The following AZI2 variants were observed in gnomAD, a reference collection of about 807,000 sequenced individuals.
The protein encoded by AZI2 is 5-azacytidine induced 2.
AZI2 carries 22 observed loss-of-function variants against 45.8 expected under a neutral mutation model. The observed-to-expected ratio is 0.48, with a 90% CI of 0.34 to 0.69. The LOEUF is 0.69. AZI2 is among the 30% of genes least tolerant of loss of function. The pLI is 0.01. For synonymous variants in AZI2, 137 were observed against 156.7 expected, an observed-to-expected ratio of 0.87 and a Z score of 0.94; for missense variants, 417 against 441.5, an observed-to-expected ratio of 0.94 and a Z score of 0.50.
Position 28,323,875 on chromosome 3 carries a change from C to T in AZI2, c.*167G>A. ...GAGGGTGCTCTTTCATACTAGAAAA[C>T]CAACTATGTTGGTTTTTGTACTATT... is the stretch of plus-strand genomic sequence containing the variant. On this transcript the variant is annotated 3_prime_UTR_variant, in exon 8 of 8. Coordinates refer to ENST00000479665, the MANE Select transcript of AZI2 (RefSeq NM_022461.5). The T allele has an allele frequency of 1.5e-6, 1 of 679,120 alleles. No homozygotes were observed. The highest frequency in any genetic ancestry group is 2.3e-6 in the Non-Finnish European group (1 of 426,320). The allele number at this position is 679,120 out of a possible 1,614,324, so 42.1% of individuals were successfully genotyped here. A position where few individuals can be genotyped will look rare whatever the true frequency, so the allele number is the denominator to read the frequency against.
At chr3:28,333,288 A>T (rs916361648) in intron 5 of AZI2, among the ~76,000 whole-genome samples, 9 of 151,756 alleles carry the variant, frequency 5.9e-5, no homozygotes, top group African/African-American at 2.2e-4. Flanking sequence ...ACCTAATCTT[A>T]TAGGAGTTAA....
intron 5 of AZI2, 35 bp downstream of exon 5, chr3:28,336,702 A>T (rs762866347): frequency 3.1e-6 from 5 of 1,592,312 alleles, no homozygotes; most frequent in African/African-American, 2.7e-5. Flanking sequence ...TACACAAAAA[A>T]TACTGAAATT....
chr3:28,327,434 A>G (rs1408891209), intron 6 of AZI2, among the ~76,000 whole-genome samples: 2 of 151,052 alleles, frequency 1.3e-5, no homozygotes, highest in Admixed American at 1.3e-4. Flanking sequence ...ACATTAAAAT[A>G]AAATTTAGGT....
At chr3:28,334,527 T>C (rs1426918354) in intron 5 of AZI2, among the ~76,000 whole-genome samples, 1 of 151,948 alleles carries the variant, frequency 6.6e-6, no homozygotes, top group African/African-American at 2.4e-5. Flanking sequence ...TAAATGCCTG[T>C]GAAGGTGGGG....
chr3:28,342,727 A>C (rs1233752604), intron 1 of AZI2, among the ~76,000 whole-genome samples: 2 of 151,554 alleles, frequency 1.3e-5, no homozygotes, highest in East Asian at 3.9e-4. Context: ...ACACACACAC[A>C]CACACACACA....
intron 7 of AZI2, 150 bp from the exon 8 acceptor site, chr3:28,324,604 A>G: frequency 1.7e-6 from 1 of 600,314 alleles, no homozygotes; most frequent in Non-Finnish European, 2.5e-6. Context: ...ACTAGGAGAT[A>G]AATGACAGAT....
intron 2 of AZI2, among the ~76,000 whole-genome samples, chr3:28,339,639 A>G (rs1046322504): frequency 6.6e-6 from 1 of 152,168 alleles, no homozygotes; most frequent in Non-Finnish European, 1.5e-5. Context: ...TTTATATAGG[A>G]TAATTCATTT....
intron 6 of AZI2, among the ~76,000 whole-genome samples, chr3:28,330,830 G>A (rs1173326110): frequency 6.6e-6 from 1 of 151,348 alleles, no homozygotes; most frequent in African/African-American, 2.4e-5. Flanking sequence ...CATACATACT[G>A]TTGGTATGGC....
intron 6 of AZI2, among the ~76,000 whole-genome samples, chr3:28,329,870 ACC>A (rs1364450837): frequency 1.3e-5 from 2 of 151,262 alleles, no homozygotes; most frequent in Non-Finnish European, 3.0e-5. Context: ...AACCATACTT[ACC>A]CTTATTGTGT....
At position 28,339,135 on chromosome 3, in the gene AZI2, G is replaced by A. The variant is rs144193118; in HGVS notation, c.217-520C>T. On this transcript the variant is annotated intron_variant, in intron 2 of 7. Transcript: ENST00000479665. The stretch of plus-strand genomic sequence containing the variant: ...GCTGGGAATATAGGTGCACCACCAC[G>A]CCCTGCTAATTTTTGTATTTTTAGT... Among the ~76,000 whole-genome samples, 776 of 151,924 alleles carry A rather than the reference G, an allele frequency of 5.1e-3. 6 individuals carry two copies. The highest frequency in any genetic ancestry group is 0.017 in the African/African-American group (717 of 41,436).
chr3:28,343,017 T>C (rs1704085203), intron 1 of AZI2, among the ~76,000 whole-genome samples: 1 of 152,136 alleles, frequency 6.6e-6, no homozygotes. Context: ...ACTTCTGTTT[T>C]ACACAAACTT....
intron 5 of AZI2, among the ~76,000 whole-genome samples, chr3:28,333,446 G>T (rs558439494): frequency 1.0e-3 from 155 of 151,638 alleles, no homozygotes; most frequent in Non-Finnish European, 1.8e-3. Context: ...TTTTTCCTGT[G>T]CCTTACAGGA....
intron 5 of AZI2, among the ~76,000 whole-genome samples, chr3:28,335,455 C>G (rs1223271139): frequency 6.6e-6 from 1 of 151,846 alleles, no homozygotes; most frequent in East Asian, 1.9e-4. Context: ...TGTGTGGCCA[C>G]AAGCTCAAAG....
intron 6 of AZI2, chr3:28,331,687 A>G (rs1703577863): frequency 6.9e-6 from 9 of 1,299,270 alleles, no homozygotes; most frequent in Non-Finnish European, 9.8e-7. Context: ...TAAAACAATG[A>G]AGTCAGATCA....
At chr3:28,326,174 A>AT (rs1301533214) in intron 7 of AZI2, among the ~76,000 whole-genome samples, 1 of 151,012 alleles carries the variant, frequency 6.6e-6, no homozygotes, top group Non-Finnish European at 1.5e-5. Context: ...AAATGTACTG[A>AT]TTTTTCTCCA....
At chr3:28,331,867 T>A (rs1256255446) in intron 6 of AZI2, 4 of 1,547,962 alleles carry the variant, frequency 2.6e-6, no homozygotes, top group Admixed American at 3.9e-5. Flanking sequence ...GCTACTTCTA[T>A]TCTTATGCGA....
chr3:28,336,583 A>C (rs530736101), intron 5 of AZI2, among the ~76,000 whole-genome samples, 154 bp downstream of exon 5: 1 of 152,240 alleles, frequency 6.6e-6, no homozygotes, highest in African/African-American at 2.4e-5. Context: ...AAATGCTTAA[A>C]GAGGTAGATA....
chr3:28,347,550 G>A (rs1704302015), intron 1 of AZI2, among the ~76,000 whole-genome samples: 1 of 152,134 alleles, frequency 6.6e-6, no homozygotes, highest in South Asian at 2.1e-4. Context: ...CCATTTCAGA[G>A]ATAAGGAAAA....
intron 6 of AZI2, chr3:28,331,548 T>C: frequency 2.4e-6 from 2 of 820,334 alleles, no homozygotes; most frequent in Non-Finnish European, 3.0e-6. Flanking sequence ...TCTAGAAGAG[T>C]GGCTGTATCT....
Sources: gnomAD v4.1 joint callset for allele counts (sites outside exome capture counted in the v4.1 genomes callset) on GRCh38, gnomAD v4.1.1 for gene constraint, MANE v1.5 for transcripts, NCBI Gene and HGNC (gene_info 2026-07-23, HGNC 2026-07-21) for gene names.